Variants in MSRA observed in about 807,000 individuals in gnomAD.
MSRA encodes the protein mitochondrial peptide methionine sulfoxide reductase.
MSRA carries 54 observed loss-of-function variants against 31.3 expected under a neutral mutation model. That is an observed-to-expected ratio of 1.73 (90% CI 1.39 to 2.17). MSRA has a LOEUF of 2.17. Ranked by LOEUF, MSRA falls within the 30% of genes most tolerant of loss-of-function variation. The pLI, the probability that MSRA is intolerant of heterozygous loss-of-function variation, is 0.00. For synonymous variants in MSRA, 169 were observed against 116.5 expected (o/e 1.45, Z -2.90); for missense variants, 507 against 300.9 (o/e 1.69, Z -5.07).
rs141118218 is a variant in MSRA, at chr8:10,264,212, G to C, written c.331+18989G>C. Among the ~76,000 whole-genome samples the C allele has an allele frequency of 2.5e-4, 38 of 152,314 alleles. No homozygotes were observed. The East Asian group carries it at 6.6e-3, about 26-fold the overall frequency. ...TAGATTGCCTTCTCAAACTCTACCT[G>C]TGTGTCATAAAGTCACTGCTATCAT... On this transcript the variant is annotated intron_variant, in intron 3 of 5. Transcript: ENST00000317173.
intron 1 of MSRA, among the ~76,000 whole-genome samples, chr8:10,134,479 G>C (rs1465469401): frequency 2.0e-5 from 3 of 152,218 alleles, no homozygotes; most frequent in African/African-American, 7.2e-5. Context: ...TCCCAAACAC[G>C]GTGACCGTGG....
chr8:10,285,674 A>C (rs1375222017), intron 3 of MSRA, among the ~76,000 whole-genome samples: 1 of 149,530 alleles, frequency 6.7e-6, no homozygotes, highest in African/African-American at 2.5e-5. Context: ...CGCCTCTGGT[A>C]ACCACTCTAC....
chr8:10,243,712 A>G (rs1461339985), intron 2 of MSRA, among the ~76,000 whole-genome samples: 2 of 152,210 alleles, frequency 1.3e-5, no homozygotes, highest in African/African-American at 2.4e-5. Flanking sequence ...TCACTTTAGT[A>G]TACTTAGTAT....
intron 5 of MSRA, among the ~76,000 whole-genome samples, chr8:10,379,390 G>C (rs750932414): frequency 3.3e-5 from 5 of 152,178 alleles, no homozygotes; most frequent in Non-Finnish European, 5.9e-5. Context: ...GCCCTCCCCA[G>C]TGTTCTGAAC....
At chr8:10,379,423 C>A (rs1237167003) in intron 5 of MSRA, among the ~76,000 whole-genome samples, 4 of 152,226 alleles carry the variant, frequency 2.6e-5, no homozygotes, top group Non-Finnish European at 5.9e-5. Context: ...TCATTTCACT[C>A]GCAGGTGGCG....
At chr8:10,173,347 G>A (rs1234718453) in intron 1 of MSRA, among the ~76,000 whole-genome samples, 1 of 152,184 alleles carries the variant, frequency 6.6e-6, no homozygotes. Context: ...TCAAGGAATC[G>A]CTCTGGTGAA....
At chr8:10,166,588 G>A (rs1304709100) in intron 1 of MSRA, among the ~76,000 whole-genome samples, 1 of 152,058 alleles carries the variant, frequency 6.6e-6, no homozygotes, top group East Asian at 1.9e-4. Flanking sequence ...TTTGTGTGTT[G>A]GAGAATTATA....
chr8:10,216,136 G>A (rs2129064477), intron 2 of MSRA, among the ~76,000 whole-genome samples: 1 of 152,146 alleles, frequency 6.6e-6, no homozygotes, highest in African/African-American at 2.4e-5. Flanking sequence ...TATTTTTCTT[G>A]TTCTCATTCT....
intron 5 of MSRA, among the ~76,000 whole-genome samples, chr8:10,346,101 C>A (rs1335728289): frequency 6.6e-6 from 1 of 152,130 alleles, no homozygotes; most frequent in Admixed American, 6.5e-5. Context: ...TGCAGTGTTC[C>A]AAATTTACAA....
intron 1 of MSRA, among the ~76,000 whole-genome samples, chr8:10,063,237 T>G (rs1395585224): frequency 6.6e-6 from 1 of 152,222 alleles, no homozygotes; most frequent in Non-Finnish European, 1.5e-5. Flanking sequence ...TTGTCCTTCC[T>G]CCCATGAGTC....
intron 5 of MSRA, among the ~76,000 whole-genome samples, chr8:10,426,732 A>G: frequency 6.6e-6 from 1 of 152,230 alleles, no homozygotes; most frequent in East Asian, 1.9e-4. Context: ...GGTGATAATA[A>G]TAGGACTTCC....
At chr8:10,195,147 C>T (rs1807860323) in intron 1 of MSRA, among the ~76,000 whole-genome samples, 1 of 152,210 alleles carries the variant, frequency 6.6e-6, no homozygotes, top group Non-Finnish European at 1.5e-5. Flanking sequence ...TTTTTACAAG[C>T]AATCTTGTGA....
At chr8:10,396,533 C>G (rs996907692) in intron 5 of MSRA, among the ~76,000 whole-genome samples, 1 of 152,192 alleles carries the variant, frequency 6.6e-6, no homozygotes. Flanking sequence ...AAAGTGTGTC[C>G]TGGCTATTAA....
At chr8:10,334,444 G>T (rs1215738581) in intron 5 of MSRA, among the ~76,000 whole-genome samples, 4 of 152,090 alleles carry the variant, frequency 2.6e-5, no homozygotes, top group Admixed American at 6.5e-5. Context: ...GGGCGGGGGG[G>T]AGGTGCAGGG....
intron 5 of MSRA, among the ~76,000 whole-genome samples, chr8:10,356,768 A>G (rs1369382758): frequency 6.6e-6 from 1 of 152,072 alleles, no homozygotes; most frequent in Non-Finnish European, 1.5e-5. Flanking sequence ...AGCCTCCAGA[A>G]CTGTGAGAAA....
intron 3 of MSRA, among the ~76,000 whole-genome samples, chr8:10,277,231 C>G (rs562169477): frequency 5.9e-5 from 9 of 152,260 alleles, no homozygotes; most frequent in African/African-American, 9.6e-5. Context: ...ATCTTTTTCT[C>G]CTTACAATAA....
At chr8:10,323,037 C>T (rs1257383918) in intron 5 of MSRA, among the ~76,000 whole-genome samples, 2 of 144,168 alleles carry the variant, frequency 1.4e-5, no homozygotes. Context: ...TTGCACTGAG[C>T]TGAGATTGCA....
intron 3 of MSRA, among the ~76,000 whole-genome samples, chr8:10,274,687 A>G (rs1799226019): frequency 6.6e-6 from 1 of 152,080 alleles, no homozygotes; most frequent in Admixed American, 6.5e-5. Flanking sequence ...CCATCCATCC[A>G]TGTATCTACT....
At chr8:10,142,182 TC>T (rs1468580610) in intron 1 of MSRA, among the ~76,000 whole-genome samples, 1 of 152,168 alleles carries the variant, frequency 6.6e-6, no homozygotes, top group African/African-American at 2.4e-5. Flanking sequence ...GGTCTGCAAC[TC>T]CCGACCTCAG....
Sources: allele counts gnomAD v4.1 joint callset (sites outside exome capture counted in the v4.1 genomes callset), GRCh38; gene constraint gnomAD v4.1.1; transcripts MANE v1.5; gene names NCBI Gene and HGNC (gene_info 2026-07-23, HGNC 2026-07-21).